Variants in PAPOLA observed in about 807,000 individuals in gnomAD.
PAPOLA encodes poly(A) polymerase alpha.
In PAPOLA, 15 loss-of-function variants were observed where a neutral mutation model predicts 100.6. That is an observed-to-expected ratio of 0.15 (90% CI 0.10 to 0.23). The LOEUF (loss-of-function observed/expected upper bound fraction) is 0.23. Among genes scored for constraint, PAPOLA ranks in the 10% least tolerant of loss-of-function variants. PAPOLA has a pLI of 1.00. For missense variants in PAPOLA, 533 were observed against 884.2 expected, an observed-to-expected ratio of 0.60 and a Z score of 5.04; for synonymous variants, 293 against 300.0, an observed-to-expected ratio of 0.98 and a Z score of 0.24.
intron 6 of PAPOLA, among the ~76,000 whole-genome samples, chr14:96,530,811 A>G (rs79003457): frequency 0.017 from 2,592 of 152,228 alleles, 65 homozygotes; most frequent in African/African-American, 0.059. Context: ...AAGGAAAATT[A>G]GGTTTTTGTT....
At chr14:96,534,610 A>T (rs200980234) in intron 10 of PAPOLA, 47 bp downstream of exon 10, 1 of 1,612,762 alleles carries the variant, frequency 6.2e-7, no homozygotes, top group African/African-American at 1.3e-5. Flanking sequence ...GTGCAATAAC[A>T]AGTAAAAATC....
chr14:96,551,829 G>C (rs1257769985), intron 16 of PAPOLA, among the ~76,000 whole-genome samples: 1 of 152,088 alleles, frequency 6.6e-6, no homozygotes, highest in Non-Finnish European at 1.5e-5. Flanking sequence ...ATTAGGATTT[G>C]TATATTATGT....
Position 96,502,532 on chromosome 14 carries a change from A to C in PAPOLA, c.-61A>C. On this transcript the variant is annotated 5_prime_UTR_variant, in exon 1 of 22. Coordinates refer to ENST00000216277, the MANE Select transcript of PAPOLA (RefSeq NM_032632.5). ...CCTCCCGCCTCAGTGGATCATGCCC[A>C]GGGCGGCAGCGGCGGCGGTTGCGGG... 1 of 1,362,998 alleles carries C rather than the reference A, an allele frequency of 7.3e-7. No homozygotes were observed. The highest frequency in any genetic ancestry group is 1.0e-6 in the Non-Finnish European group (1 of 983,898). 84.4% of individuals were successfully genotyped at this position (1,362,998 alleles called of 1,614,324 possible). A position where few individuals can be genotyped will look rare whatever the true frequency, so the allele number is the denominator to read the frequency against.
chr14:96,545,682 C>T (rs1393667830), intron 15 of PAPOLA, among the ~76,000 whole-genome samples: 2 of 151,848 alleles, frequency 1.3e-5, no homozygotes, highest in Non-Finnish European at 2.9e-5. Context: ...TGGTATAATT[C>T]TGTGTTGGGT....
rs1899393158 is a variant in PAPOLA at position 96,534,974 on chromosome 14, A to G, written c.909+411A>G. 4 of 988,036 alleles carry G rather than the reference A, an allele frequency of 4.0e-6. No homozygotes were observed. The African/African-American group carries it at 5.2e-5, about 13-fold the overall frequency. 61.2% of individuals were successfully genotyped at this position (988,036 alleles called of 1,614,324 possible). On this transcript the variant is annotated intron_variant, in intron 10 of 21. Transcript: ENST00000216277. ...CTGTTACTTAATGTTTACATGTGGC[A>G]TATAACTTCTAAGCATTTTCACTTT...
chr14:96,524,157 T>C (rs902001714), intron 3 of PAPOLA, among the ~76,000 whole-genome samples: 1 of 152,080 alleles, frequency 6.6e-6, no homozygotes. Flanking sequence ...TGAATAGATA[T>C]TTTATTATAC....
chr14:96,509,175 G>A (rs1051199167), intron 1 of PAPOLA, among the ~76,000 whole-genome samples: 1 of 152,122 alleles, frequency 6.6e-6, no homozygotes, highest in Admixed American at 6.5e-5. Flanking sequence ...GGGACTACAG[G>A]CACGCACCAC....
At chr14:96,549,130 A>G (rs1361535067) in intron 16 of PAPOLA, among the ~76,000 whole-genome samples, 1 of 152,226 alleles carries the variant, frequency 6.6e-6, no homozygotes, top group Admixed American at 6.5e-5. Flanking sequence ...CTGGCACATA[A>G]TAAATGCTCA....
intron 4 of PAPOLA, among the ~76,000 whole-genome samples, chr14:96,525,639 A>C (rs1898398562): frequency 6.6e-6 from 1 of 152,182 alleles, no homozygotes; most frequent in South Asian, 2.1e-4. Flanking sequence ...TAATCCTAGA[A>C]CTTTGGGAGG....
chr14:96,510,678 G>A (rs968028327), intron 1 of PAPOLA, among the ~76,000 whole-genome samples: 1 of 152,162 alleles, frequency 6.6e-6, no homozygotes, highest in Non-Finnish European at 1.5e-5. Flanking sequence ...TCATCTTTGA[G>A]CCTCTGCTGC....
chr14:96,547,960 G>A (rs928836048), intron 16 of PAPOLA, 42 bp downstream of exon 16: 11 of 1,504,328 alleles, frequency 7.3e-6, no homozygotes, highest in African/African-American at 1.4e-5. Context: ...CTAACATAAT[G>A]TTTTATGCAT....
At chr14:96,558,693 G>A (rs137865035) in intron 19 of PAPOLA, among the ~76,000 whole-genome samples, 28 of 152,058 alleles carry the variant, frequency 1.8e-4, no homozygotes, top group African/African-American at 5.3e-4. Context: ...AATTCTTTCA[G>A]CCTTTTTCAT....
At chr14:96,541,638 A>C (rs928410808) in intron 12 of PAPOLA, among the ~76,000 whole-genome samples, 2 of 152,184 alleles carry the variant, frequency 1.3e-5, no homozygotes, top group Admixed American at 1.3e-4. Context: ...AGTTTTGGAT[A>C]AAAATCAGAT....
chr14:96,531,707 A>C (rs1323969828), intron 7 of PAPOLA, 121 bp downstream of exon 7: 1 of 1,516,250 alleles, frequency 6.6e-7, no homozygotes. Flanking sequence ...TGAGTTAAAT[A>C]AAATGAACTT....
At chr14:96,530,156 A>G (rs1195934012) in intron 6 of PAPOLA, among the ~76,000 whole-genome samples, 1 of 152,200 alleles carries the variant, frequency 6.6e-6, no homozygotes, top group Non-Finnish European at 1.5e-5. Flanking sequence ...ATATAAGGCT[A>G]TTTGCCTAAA....
intron 1 of PAPOLA, 43 bp from the exon 2 acceptor site, chr14:96,520,012 G>T: frequency 6.8e-7 from 1 of 1,481,098 alleles, no homozygotes. Flanking sequence ...GTTTCAAATT[G>T]TAGAATTCTT....
rs145784689 is a variant in PAPOLA, at chr14:96,515,947, G to C, written c.9-4108G>C. Among the ~76,000 whole-genome samples the C allele has an allele frequency of 4.7e-3, 709 of 152,314 alleles. 4 individuals are homozygous for C. The highest frequency in any genetic ancestry group is 8.6e-3 in the Non-Finnish European group (584 of 68,036). On this transcript the variant is annotated intron_variant, in intron 1 of 21. Transcript: ENST00000216277. ...TGGGATTGGTAGCTGTCTGGTGTAT[G>C]GTTCCAGGAGAGTGTCAGTGCATAT... is the stretch of plus-strand genomic sequence containing the variant.
At chr14:96,532,460 C>T (rs1899119839) in intron 8 of PAPOLA, 40 bp downstream of exon 8, 1 of 1,605,876 alleles carries the variant, frequency 6.2e-7, no homozygotes, top group East Asian at 2.2e-5. Context: ...TAAAAATGTT[C>T]AAACTTTTGT....
chr14:96,541,346 T>C (rs1242987064), intron 12 of PAPOLA, among the ~76,000 whole-genome samples: 2 of 152,194 alleles, frequency 1.3e-5, no homozygotes, highest in Non-Finnish European at 2.9e-5. Flanking sequence ...AATTTTAAAA[T>C]TGTGGTTATA....
Sources: allele counts gnomAD v4.1 joint callset (sites outside exome capture counted in the v4.1 genomes callset), GRCh38; gene constraint gnomAD v4.1.1; transcripts MANE v1.5; gene names NCBI Gene and HGNC (gene_info 2026-07-23, HGNC 2026-07-21).